Variants in NFIA observed in about 807,000 individuals in gnomAD.
NFIA encodes the protein nuclear factor I A, also known as nuclear factor 1 A-type.
Under a neutral mutation model 62.8 loss-of-function variants are expected in NFIA, and 8 were observed. That is an observed-to-expected ratio of 0.13 (90% CI 0.07 to 0.23). The LOEUF is 0.23. Ranked by LOEUF, NFIA falls within the 10% of genes least tolerant of loss-of-function variation. The probability of loss-of-function intolerance (pLI) is 1.00; values close to 1 mark genes in which losing one functional copy is unlikely to be tolerated. For synonymous variants in NFIA, 235 were observed against 238.1 expected, an observed-to-expected ratio of 0.99 and a Z score of 0.12; for missense variants, 410 against 642.1, an observed-to-expected ratio of 0.64 and a Z score of 3.91.
intron 2 of NFIA, among the ~76,000 whole-genome samples, chr1:61,272,754 A>C (rs1299350166): frequency 6.6e-6 from 1 of 152,054 alleles, no homozygotes. Context: ...CTCTTCATTT[A>C]TTTGCAGGAA....
intron 2 of NFIA, chr1:61,133,028 A>C (rs1647109106): frequency 6.6e-6 from 1 of 152,224 alleles, no homozygotes; most frequent in African/African-American, 2.4e-5. Context: ...TTTCCAAACA[A>C]GATGTCCATG....
chr1:61,078,860 G>GT, upstream of NFIA, among the ~76,000 whole-genome samples: 1 of 152,338 alleles, frequency 6.6e-6, no homozygotes, highest in East Asian at 1.9e-4. Context: ...TCTTGGACAA[G>GT]TGCTTGATAC....
At chr1:61,193,935 TC>T (rs1651820112) in intron 2 of NFIA, among the ~76,000 whole-genome samples, 1 of 152,184 alleles carries the variant, frequency 6.6e-6, no homozygotes, top group Non-Finnish European at 1.5e-5. Context: ...TCTACATACA[TC>T]CAGAGTCAAC....
intron 5 of NFIA, among the ~76,000 whole-genome samples, chr1:61,354,353 A>T (rs1051694956): frequency 6.6e-6 from 1 of 152,208 alleles, no homozygotes; most frequent in African/African-American, 2.4e-5. Flanking sequence ...ACAGGTTAGA[A>T]AGTGTGCCCA....
intron 2 of NFIA, among the ~76,000 whole-genome samples, chr1:61,179,157 C>T (rs903800302): frequency 3.3e-5 from 5 of 152,200 alleles, no homozygotes; most frequent in South Asian, 2.1e-4. Flanking sequence ...GTGACCTCCA[C>T]GGAGTGTGAG....
At chr1:61,321,423 GAGGA>G (rs1408543515) in intron 3 of NFIA, among the ~76,000 whole-genome samples, 1 of 151,744 alleles carries the variant, frequency 6.6e-6, no homozygotes, top group Non-Finnish European at 1.5e-5. Context: ...GAAAGGGAGG[GAGGA>G]AGGAAGGAAA....
intron 2 of NFIA, among the ~76,000 whole-genome samples, chr1:61,238,467 C>A (rs1655130374): frequency 6.6e-6 from 1 of 152,092 alleles, no homozygotes; most frequent in African/African-American, 2.4e-5. Flanking sequence ...GCAGTTGTTC[C>A]CTTGTCTCCT....
At position 61,402,648 on chromosome 1, in the gene NFIA, T is replaced by C. The variant is rs140848735; in HGVS notation, c.1076-1456T>C. Among the ~76,000 whole-genome samples the C allele has an allele frequency of 4.4e-3, 667 of 152,340 alleles. 7 individuals are homozygous for C. Among genetic ancestry groups the C allele is most frequent in the African/African-American group, 0.015 (626 of 41,596 alleles). On this transcript the variant is annotated intron_variant, in intron 7 of 10. Coordinates refer to ENST00000403491, the MANE Select transcript of NFIA (RefSeq NM_001134673.4). ...GAGACATCCTCAATTGTATGACCGA[T>C]GGCAAAATTTCATCTGTTTTGGCTC...
chr1:61,341,465 T>G (rs930166308), intron 4 of NFIA, among the ~76,000 whole-genome samples: 3 of 152,088 alleles, frequency 2.0e-5, no homozygotes, highest in African/African-American at 7.2e-5. Flanking sequence ...CTACAGGTCA[T>G]TACTGACAAT....
intron 9 of NFIA, among the ~76,000 whole-genome samples, chr1:61,412,583 C>A (rs1309390434): frequency 6.6e-6 from 1 of 152,182 alleles, no homozygotes; most frequent in Non-Finnish European, 1.5e-5. Context: ...ACAGGAGGGG[C>A]ATCTCTGGGT....
chr1:61,187,500 A>G (rs539677289), intron 2 of NFIA, among the ~76,000 whole-genome samples: 1 of 152,242 alleles, frequency 6.6e-6, no homozygotes, highest in East Asian at 1.9e-4. Flanking sequence ...AAGTGTAAGG[A>G]GCGGTGGTGG....
intron 3 of NFIA, among the ~76,000 whole-genome samples, chr1:61,294,841 T>A (rs1251228037): frequency 6.6e-6 from 1 of 152,210 alleles, no homozygotes. Flanking sequence ...TGGTGAACAG[T>A]GCTGTCCGTA....
At chr1:61,275,292 G>A (rs1657744450) in intron 2 of NFIA, among the ~76,000 whole-genome samples, 1 of 151,906 alleles carries the variant, frequency 6.6e-6, no homozygotes, top group South Asian at 2.1e-4. Context: ...ATCTTTTATT[G>A]TTGTTCATGT....
intron 2 of NFIA, among the ~76,000 whole-genome samples, chr1:61,228,144 T>G (rs1317243234): frequency 6.6e-6 from 1 of 152,208 alleles, no homozygotes; most frequent in Non-Finnish European, 1.5e-5. Context: ...TTCTGAAGGT[T>G]TTTTTAAACC....
chr1:61,286,113 A>G (rs540809547), intron 3 of NFIA, among the ~76,000 whole-genome samples: 5 of 152,252 alleles, frequency 3.3e-5, no homozygotes, highest in African/African-American at 9.6e-5. Flanking sequence ...CTCATAAGTA[A>G]TTTAACAGAT....
At chr1:61,313,799 A>G (rs1045639892) in intron 3 of NFIA, among the ~76,000 whole-genome samples, 7 of 152,192 alleles carry the variant, frequency 4.6e-5, no homozygotes, top group Non-Finnish European at 4.4e-5. Context: ...AACCTGTTCT[A>G]AGTGCTTCCG....
chr1:61,078,530 C>T (rs1646059075), upstream of NFIA, among the ~76,000 whole-genome samples: 1 of 152,170 alleles, frequency 6.6e-6, no homozygotes, highest in South Asian at 2.1e-4. Flanking sequence ...TACAAAACTT[C>T]TTACTCTGAT....
chr1:61,434,619 TC>T (rs1667249750), intron 10 of NFIA, among the ~76,000 whole-genome samples: 1 of 152,200 alleles, frequency 6.6e-6, no homozygotes, highest in African/African-American at 2.4e-5. Context: ...TTCTCTCAGT[TC>T]CTGTTCTTCC....
intron 9 of NFIA, among the ~76,000 whole-genome samples, chr1:61,411,101 C>T (rs1259863829): frequency 1.3e-5 from 2 of 151,984 alleles, no homozygotes; most frequent in Non-Finnish European, 2.9e-5. Context: ...GGTTAAAAGT[C>T]CAAGGCATCA....
Sources: allele counts gnomAD v4.1 joint callset (sites outside exome capture counted in the v4.1 genomes callset), GRCh38; gene constraint gnomAD v4.1.1; transcripts MANE v1.5; gene names NCBI Gene and HGNC (gene_info 2026-07-23, HGNC 2026-07-21).